Variants in NTM observed in about 807,000 individuals in gnomAD.
NTM encodes the protein neurotrimin.
Under a neutral mutation model 42.1 loss-of-function variants are expected in NTM, and 13 were observed. The ratio of observed to expected loss-of-function variants is 0.31; its 90% CI spans 0.20 to 0.49. The LOEUF is 0.49. NTM is among the 20% of genes least tolerant of loss of function. The probability of loss-of-function intolerance (pLI) is 0.99; values close to 1 mark genes in which losing one functional copy is unlikely to be tolerated. For synonymous variants in NTM, 187 were observed against 179.2 expected (o/e 1.04, Z -0.35); for missense variants, 373 against 452.8 (o/e 0.82, Z 1.60).
intron 3 of NTM, among the ~76,000 whole-genome samples, chr11:132,173,150 G>A (rs925571894): frequency 3.3e-5 from 5 of 152,174 alleles, no homozygotes; most frequent in Middle Eastern, 3.2e-3. Flanking sequence ...CTGTCTTTAT[G>A]CAGAGAATCT....
chr11:132,286,491 G>T (rs924888057), intron 4 of NTM, among the ~76,000 whole-genome samples: 1 of 152,112 alleles, frequency 6.6e-6, no homozygotes, highest in Non-Finnish European at 1.5e-5. Context: ...AGAAGAACAC[G>T]ATATTACACA....
chr11:131,717,857 A>G (rs1036913712), intron 1 of NTM, among the ~76,000 whole-genome samples: 1 of 152,190 alleles, frequency 6.6e-6, no homozygotes, highest in African/African-American at 2.4e-5. Flanking sequence ...GGTTTTCTAT[A>G]CATGCTCTTT....
Position 132,091,064 on chromosome 11 carries a change from G to A in NTM, c.168-55218G>A, listed in dbSNP as rs545522304. Among the ~76,000 whole-genome samples the A allele has an allele frequency of 3.3e-5, 5 of 152,126 alleles. No individual in the cohort carries two copies. In the South Asian group the frequency reaches 1.0e-3, roughly 32 times the overall value. ...GAGGATTATTGGCATTTTTCCTTTG[G>A]CAAACTCTTTCTAGGTTTCAGCTCA... On this transcript the variant is annotated intron_variant, in intron 2 of 8. Coordinates refer to ENST00000683400, the MANE Select transcript of NTM (RefSeq NM_001352005.2).
chr11:131,471,063 A>T (rs1223249261), intron 1 of NTM, among the ~76,000 whole-genome samples: 1 of 152,164 alleles, frequency 6.6e-6, no homozygotes, highest in Admixed American at 6.5e-5. Context: ...AACATATTAG[A>T]TGCTCAGTGA....
intron 1 of NTM, among the ~76,000 whole-genome samples, chr11:131,887,012 C>T (rs987270696): frequency 6.6e-6 from 1 of 152,178 alleles, no homozygotes; most frequent in Non-Finnish European, 1.5e-5. Flanking sequence ...GCTGGTAAAA[C>T]CCCCATCAGT....
chr11:131,579,770 C>A (rs372948474), intron 1 of NTM, among the ~76,000 whole-genome samples: 27 of 152,278 alleles, frequency 1.8e-4, no homozygotes, highest in East Asian at 1.4e-3. Context: ...ATACCTCCCA[C>A]GGCTGGGAAA....
chr11:131,464,905 AC>A (rs1171958438), intron 1 of NTM, among the ~76,000 whole-genome samples: 3 of 151,822 alleles, frequency 2.0e-5, no homozygotes, highest in African/African-American at 7.3e-5. Flanking sequence ...GCTGGACAAG[AC>A]CCCCTGTTTT....
intron 4 of NTM, among the ~76,000 whole-genome samples, chr11:132,288,682 C>A (rs568102874): frequency 3.9e-5 from 6 of 152,076 alleles, no homozygotes; most frequent in Non-Finnish European, 7.4e-5. Flanking sequence ...TGCAATGGCA[C>A]GATCTTGGCC....
chr11:131,645,691 T>C (rs2065686812), intron 1 of NTM, among the ~76,000 whole-genome samples: 6 of 152,196 alleles, frequency 3.9e-5, no homozygotes, highest in Admixed American at 3.3e-4. Flanking sequence ...TCTTTTAAAA[T>C]ATGTGTGTAT....
chr11:131,707,096 T>C (rs1362335365), intron 1 of NTM, among the ~76,000 whole-genome samples: 2 of 152,048 alleles, frequency 1.3e-5, no homozygotes, highest in Non-Finnish European at 2.9e-5. Context: ...TCTGTGTAAA[T>C]GAAATATTCT....
chr11:131,751,944 C>T (rs991122802), intron 1 of NTM, among the ~76,000 whole-genome samples: 1 of 152,130 alleles, frequency 6.6e-6, no homozygotes, highest in African/African-American at 2.4e-5. Flanking sequence ...ATACCTGACA[C>T]GACACTGATG....
At chr11:132,298,320 A>T (rs1565417070) in intron 4 of NTM, among the ~76,000 whole-genome samples, 1 of 151,824 alleles carries the variant, frequency 6.6e-6, no homozygotes, top group Non-Finnish European at 1.5e-5. Context: ...AAGCTGATTT[A>T]TTTTTTTATT....
intron 1 of NTM, among the ~76,000 whole-genome samples, chr11:131,856,331 TTA>T (rs1565634920): frequency 2.0e-5 from 3 of 151,646 alleles, no homozygotes; most frequent in Admixed American, 1.3e-4. Context: ...AATTTTATAA[TTA>T]AGAGACAGAG....
At chr11:131,438,743 G>A (rs2135960224) in intron 1 of NTM, among the ~76,000 whole-genome samples, 1 of 152,132 alleles carries the variant, frequency 6.6e-6, no homozygotes, top group East Asian at 1.9e-4. Flanking sequence ...CCTTTAGCTT[G>A]GAGAAGTTTG....
intron 2 of NTM, among the ~76,000 whole-genome samples, chr11:132,071,588 G>T (rs1185667017): frequency 6.6e-6 from 1 of 152,218 alleles, no homozygotes; most frequent in Non-Finnish European, 1.5e-5. Flanking sequence ...ATTATAATGG[G>T]AGTGTGGGGA....
chr11:131,415,479 T>C (rs1257872605), intron 1 of NTM, among the ~76,000 whole-genome samples: 1 of 152,220 alleles, frequency 6.6e-6, no homozygotes, highest in Non-Finnish European at 1.5e-5. Flanking sequence ...TATAATCATA[T>C]ACCACATTAT....
chr11:132,239,231 G>A (rs1021215640), intron 4 of NTM, among the ~76,000 whole-genome samples: 4 of 152,086 alleles, frequency 2.6e-5, no homozygotes, highest in African/African-American at 4.8e-5. Flanking sequence ...CTTGAACTTC[G>A]GACTCTTGGA....
intron 1 of NTM, chr11:131,796,142 G>A: frequency 1.0e-6 from 1 of 985,346 alleles, no homozygotes; most frequent in Non-Finnish European, 1.2e-6. Context: ...AGGACTGGAA[G>A]GGCAAAATGA....
intron 1 of NTM, among the ~76,000 whole-genome samples, chr11:131,784,196 C>T (rs538168554): frequency 1.0e-3 from 157 of 152,214 alleles, no homozygotes; most frequent in African/African-American, 3.6e-3. Flanking sequence ...GTAGGAATGT[C>T]AAAATTGTAC....
Sources: allele counts gnomAD v4.1 joint callset (sites outside exome capture counted in the v4.1 genomes callset), GRCh38; gene constraint gnomAD v4.1.1; transcripts MANE v1.5; gene names NCBI Gene and HGNC (gene_info 2026-07-23, HGNC 2026-07-21).